Variants in CCSER1 observed in about 807,000 individuals in gnomAD.
The protein encoded by CCSER1 is serine-rich coiled-coil domain-containing protein 1.
A neutral mutation model predicts 82.0 loss-of-function variants in CCSER1; 41 were observed. The observed-to-expected ratio is 0.50, with a 90% confidence interval of 0.39 to 0.65. The LOEUF (loss-of-function observed/expected upper bound fraction) is 0.65, where lower values mean the gene tolerates loss of function less well. Ranked by LOEUF, CCSER1 falls within the 30% of genes least tolerant of loss-of-function variation. The pLI is 0.00. For synonymous variants in CCSER1, 414 were observed against 383.9 expected, an observed-to-expected ratio of 1.08 and a Z score of -0.92; for missense variants, 1,119 against 1,064.2, an observed-to-expected ratio of 1.05 and a Z score of -0.72.
At chr4:90,779,141 C>G (rs1753392213) in intron 7 of CCSER1, among the ~76,000 whole-genome samples, 1 of 152,146 alleles carries the variant, frequency 6.6e-6, no homozygotes, top group African/African-American at 2.4e-5. Flanking sequence ...AAGATAAAGT[C>G]TAAGAAGCAC....
chr4:90,466,165 A>G (rs1375736895), intron 4 of CCSER1, among the ~76,000 whole-genome samples: 1 of 152,170 alleles, frequency 6.6e-6, no homozygotes, highest in Non-Finnish European at 1.5e-5. Flanking sequence ...GGCTACTAAT[A>G]AGTTGACTTT....
intron 10 of CCSER1, among the ~76,000 whole-genome samples, chr4:91,105,910 A>G (rs769596190): frequency 6.6e-6 from 1 of 151,898 alleles, no homozygotes; most frequent in Non-Finnish European, 1.5e-5. Flanking sequence ...ATGAACATTT[A>G]TATGTTTTGC....
chr4:91,533,674 C>T (rs181732318), intron 10 of CCSER1, among the ~76,000 whole-genome samples: 1 of 151,854 alleles, frequency 6.6e-6, no homozygotes, highest in African/African-American at 2.4e-5. Flanking sequence ...TTTGAAAACC[C>T]CTTTTGTTTG....
chr4:91,061,990 T>C (rs1163290372), intron 9 of CCSER1, among the ~76,000 whole-genome samples: 1 of 152,050 alleles, frequency 6.6e-6, no homozygotes, highest in Non-Finnish European at 1.5e-5. Flanking sequence ...TTTAAGCTAT[T>C]ATCCTTGCCA....
intron 9 of CCSER1, among the ~76,000 whole-genome samples, chr4:91,057,395 C>G (rs1027535168): frequency 3.9e-5 from 6 of 152,074 alleles, no homozygotes; most frequent in African/African-American, 1.4e-4. Context: ...GTGTTCCCCA[C>G]CCCTTTGTCG....
chr4:91,554,864 G>A (rs1041659631), intron 10 of CCSER1, among the ~76,000 whole-genome samples: 2 of 150,918 alleles, frequency 1.3e-5, no homozygotes, highest in African/African-American at 4.9e-5. Flanking sequence ...AAAATAGAGG[G>A]CTCAGGATTA....
At chr4:91,402,507 C>A (rs988934932) in intron 10 of CCSER1, among the ~76,000 whole-genome samples, 10 of 152,094 alleles carry the variant, frequency 6.6e-5, no homozygotes, top group Non-Finnish European at 1.5e-4. Context: ...AGGTTTTCTT[C>A]TAGAATTTTT....
intron 8 of CCSER1, among the ~76,000 whole-genome samples, chr4:90,820,367 C>G (rs1325563245): frequency 6.6e-6 from 1 of 152,102 alleles, no homozygotes; most frequent in African/African-American, 2.4e-5. Flanking sequence ...TCTCATAGTT[C>G]TAGAGGCTGC....
chr4:91,186,536 G>A (rs945438730), intron 10 of CCSER1, among the ~76,000 whole-genome samples: 1 of 152,126 alleles, frequency 6.6e-6, no homozygotes, highest in Non-Finnish European at 1.5e-5. Flanking sequence ...CTCAGTCAGG[G>A]AGACCCTAAC....
intron 5 of CCSER1, among the ~76,000 whole-genome samples, chr4:90,502,064 G>C (rs986889888): frequency 2.0e-5 from 3 of 152,022 alleles, no homozygotes; most frequent in African/African-American, 7.2e-5. Flanking sequence ...AGCAAAATAT[G>C]ACATTTTAAA....
In CCSER1 at chr4:90,690,984, A is replaced by G. The variant is rs1735716913; in HGVS notation, c.1933-32930A>G. ...CAATGTCACTTTTAACAATATATTA[A>G]CCTCTCCAAGTCTTAATTCCCCAAT... is the stretch of plus-strand genomic sequence containing the variant. On this transcript the variant is annotated intron_variant, in intron 6 of 10. Coordinates refer to ENST00000509176, the MANE Select transcript of CCSER1 (RefSeq NM_001145065.2). Among the ~76,000 whole-genome samples the G allele has an allele frequency of 2.6e-5, 4 of 151,932 alleles. No individual in the cohort carries two copies. In the South Asian group the frequency reaches 8.3e-4, roughly 31 times the overall value.
At chr4:91,301,479 T>C (rs1392966597) in intron 10 of CCSER1, among the ~76,000 whole-genome samples, 1 of 151,220 alleles carries the variant, frequency 6.6e-6, no homozygotes, top group Non-Finnish European at 1.5e-5. Flanking sequence ...TTGTTTCTCA[T>C]TATAGGTGTG....
In CCSER1 at chr4:91,379,552, A is replaced by G. The variant is rs548494840; in HGVS notation, c.2218-219020A>G. Among the ~76,000 whole-genome samples the G allele has an allele frequency of 3.9e-5, 6 of 152,294 alleles. No individual in the cohort carries two copies. In the South Asian group the frequency reaches 1.2e-3, roughly 32 times the overall value. Reference sequence around the variant, plus strand: ...AGTTTATTTGCATAGAGGTGTTTCTAGTACTCTCTGATGGTAGTTTGTATT... The same window carrying G: ...AGTTTATTTGCATAGAGGTGTTTCTGGTACTCTCTGATGGTAGTTTGTATT... On this transcript the variant is annotated intron_variant, in intron 10 of 10. Coordinates refer to ENST00000509176, the MANE Select transcript of CCSER1 (RefSeq NM_001145065.2).
intron 10 of CCSER1, among the ~76,000 whole-genome samples, chr4:91,095,175 G>T (rs574843141): frequency 6.6e-6 from 1 of 152,104 alleles, no homozygotes; most frequent in East Asian, 1.9e-4. Flanking sequence ...ATTTGAGCCC[G>T]GTCCCCTTCA....
intron 3 of CCSER1, among the ~76,000 whole-genome samples, chr4:90,354,933 A>G (rs1260395563): frequency 1.3e-5 from 2 of 152,074 alleles, no homozygotes; most frequent in Non-Finnish European, 1.5e-5. Context: ...GTAACTAGAA[A>G]TAAATTTCTA....
chr4:90,445,563 G>A (rs759308769), intron 4 of CCSER1, among the ~76,000 whole-genome samples: 4 of 152,008 alleles, frequency 2.6e-5, no homozygotes, highest in Non-Finnish European at 5.9e-5. Context: ...AGTTAGCGGG[G>A]CTTGAGAAAA....
At chr4:90,743,360 T>C (rs1448814848) in intron 7 of CCSER1, among the ~76,000 whole-genome samples, 1 of 152,174 alleles carries the variant, frequency 6.6e-6, no homozygotes, top group African/African-American at 2.4e-5. Flanking sequence ...GAGAAACTGT[T>C]GATGTCAGAT....
chr4:91,482,408 C>CA (rs537828832), intron 10 of CCSER1, among the ~76,000 whole-genome samples: 33,240 of 69,332 alleles, frequency 0.48, 8,530 homozygotes, highest in East Asian at 0.77. Context: ...GACTCCGTCT[C>CA]AAAAAAAAAA....
At chr4:91,060,919 A>T (rs1361293307) in intron 9 of CCSER1, among the ~76,000 whole-genome samples, 1 of 152,054 alleles carries the variant, frequency 6.6e-6, no homozygotes, top group Non-Finnish European at 1.5e-5. Flanking sequence ...CAGTTTTCAT[A>T]AAAGGTTTAG....
Sources: gnomAD v4.1 joint callset for allele counts (sites outside exome capture counted in the v4.1 genomes callset) on GRCh38, gnomAD v4.1.1 for gene constraint, MANE v1.5 for transcripts, NCBI Gene and HGNC (gene_info 2026-07-23, HGNC 2026-07-21) for gene names.